DPP10: variants seen among roughly 807,000 people sequenced by gnomAD.
DPP10 encodes the protein dipeptidyl peptidase like 10.
In DPP10, 33 loss-of-function variants were observed where a neutral mutation model predicts 120.9. That is an observed-to-expected ratio of 0.27 (90% confidence interval 0.21 to 0.37). The LOEUF (loss-of-function observed/expected upper bound fraction) is 0.37, where lower values mean the gene tolerates loss of function less well. DPP10 is among the 10% of genes least tolerant of loss of function. The pLI, the probability that DPP10 is intolerant of heterozygous loss-of-function variation, is 1.00. For synonymous variants in DPP10, 337 were observed against 326.1 expected (o/e 1.03, Z -0.36); for missense variants, 816 against 942.8 (o/e 0.87, Z 1.76).
intron 1 of DPP10, among the ~76,000 whole-genome samples, chr2:114,984,579 G>A (rs1311087171): frequency 2.6e-5 from 4 of 152,026 alleles, no homozygotes; most frequent in Non-Finnish European, 5.9e-5. Flanking sequence ...ATGGCTTTAG[G>A]CTAGGAGTTC....
intron 1 of DPP10, among the ~76,000 whole-genome samples, chr2:114,478,663 T>A (rs1218399199): frequency 6.6e-6 from 1 of 152,102 alleles, no homozygotes; most frequent in Non-Finnish European, 1.5e-5. Flanking sequence ...ACAAATTTCA[T>A]AATTACATAG....
At chr2:115,031,161 TC>T (rs5833572) in intron 1 of DPP10, among the ~76,000 whole-genome samples, 63,503 of 151,772 alleles carry the variant, frequency 0.42, 13,693 homozygotes, top group South Asian at 0.5. Context: ...TAATTTTTTT[TC>T]CTCAGGAAAA....
In DPP10 at chr2:115,494,701, C is replaced by T. The variant is rs960620744; in HGVS notation, c.272-4809C>T. 4.6e-5 allele frequency among the ~76,000 whole-genome samples: 7 copies of T among 151,948 alleles called. 1 individual carries two copies. In the East Asian group the frequency reaches 1.4e-3, roughly 29 times the overall value. On this transcript the variant is annotated intron_variant, in intron 3 of 25. Coordinates refer to ENST00000410059, the MANE Select transcript of DPP10 (RefSeq NM_020868.6). ...TTTTTCCACATTTTATTTTTAATTG[C>T]TCAGCTTTTTTTATTGAGTATAGTT...
chr2:115,624,089 T>C (rs552259023), intron 5 of DPP10, among the ~76,000 whole-genome samples: 71 of 152,284 alleles, frequency 4.7e-4, no homozygotes, highest in African/African-American at 1.7e-3. Flanking sequence ...TTGTCCTTTA[T>C]TGGATTCCTG....
chr2:115,824,111 C>A (rs1199648090), intron 21 of DPP10, among the ~76,000 whole-genome samples: 1 of 152,048 alleles, frequency 6.6e-6, no homozygotes, highest in Non-Finnish European at 1.5e-5. Flanking sequence ...AAAAACTAAA[C>A]TTACACTCTG....
At position 114,848,597 on chromosome 2, in the gene DPP10, T is replaced by C. The variant is rs535072169; in HGVS notation, c.60+405759T>C. ...ATTCAACGACATTGAATCACATAGA[T>C]ACGACTAGGACTTTCATTGAAGAAA... On this transcript the variant is annotated intron_variant, in intron 1 of 25. Coordinates refer to ENST00000410059, the MANE Select transcript of DPP10 (RefSeq NM_020868.6). 2.6e-5 allele frequency among the ~76,000 whole-genome samples: 4 copies of C among 152,324 alleles called. No individual in the cohort carries two copies. The East Asian group carries it at 7.7e-4, about 29-fold the overall frequency.
At chr2:114,786,837 A>G (rs994041983) in intron 1 of DPP10, among the ~76,000 whole-genome samples, 2 of 152,192 alleles carry the variant, frequency 1.3e-5, no homozygotes, top group Non-Finnish European at 1.5e-5. Context: ...GCCTCTGGAA[A>G]ATTGGGAATC....
At chr2:115,338,585 C>T (rs1319513642) in intron 2 of DPP10, among the ~76,000 whole-genome samples, 1 of 152,058 alleles carries the variant, frequency 6.6e-6, no homozygotes, top group Non-Finnish European at 1.5e-5. Flanking sequence ...CTCAGCCTCC[C>T]AAGCAGCTGG....
chr2:115,001,715 G>A (rs1057234423), intron 1 of DPP10, among the ~76,000 whole-genome samples: 2 of 152,006 alleles, frequency 1.3e-5, no homozygotes, highest in African/African-American at 2.4e-5. Context: ...ACAAAAGTCA[G>A]GTGCAATTCC....
At chr2:114,600,647 T>A (rs2105223575) in intron 1 of DPP10, among the ~76,000 whole-genome samples, 1 of 152,034 alleles carries the variant, frequency 6.6e-6, no homozygotes, top group African/African-American at 2.4e-5. Context: ...AATTTTGATA[T>A]GCCTTGGCAT....
chr2:114,646,061 G>A (rs1025821373), intron 1 of DPP10, among the ~76,000 whole-genome samples: 10 of 151,986 alleles, frequency 6.6e-5, no homozygotes, highest in African/African-American at 1.9e-4. Context: ...TCAGGAGGCC[G>A]AGGCAGGAGA....
At chr2:115,781,017 G>T in intron 16 of DPP10, 22 bp downstream of exon 16, 1 of 1,533,170 alleles carries the variant, frequency 6.5e-7, no homozygotes, top group Middle Eastern at 2.0e-4. Flanking sequence ...CATGAATTCT[G>T]ATATAATATA....
chr2:114,997,500 GA>G (rs1042085097), intron 1 of DPP10, among the ~76,000 whole-genome samples: 4 of 22,898 alleles, frequency 1.7e-4, no homozygotes, highest in African/African-American at 4.6e-4. Flanking sequence ...CAAAAAAAAA[GA>G]AAAAAAAAAA....
chr2:114,473,201 C>A (rs1333567919), intron 1 of DPP10, among the ~76,000 whole-genome samples: 2 of 152,000 alleles, frequency 1.3e-5, no homozygotes, highest in Non-Finnish European at 2.9e-5. Context: ...TGGCAGTGAA[C>A]AATAGAAGGC....
chr2:114,774,532 C>G (rs1159036900), intron 1 of DPP10, among the ~76,000 whole-genome samples: 1 of 150,792 alleles, frequency 6.6e-6, no homozygotes, highest in Non-Finnish European at 1.5e-5. Flanking sequence ...TTAACACTAT[C>G]TTAAAATCAG....
chr2:114,918,878 T>A (rs1694994544), intron 1 of DPP10, among the ~76,000 whole-genome samples: 1 of 151,906 alleles, frequency 6.6e-6, no homozygotes, highest in South Asian at 2.1e-4. Flanking sequence ...AAATCATTTG[T>A]ACACCAAACC....
chr2:115,104,504 T>C (rs1276913828), intron 1 of DPP10, among the ~76,000 whole-genome samples: 1 of 152,192 alleles, frequency 6.6e-6, no homozygotes, highest in Non-Finnish European at 1.5e-5. Context: ...TAGCAATCTG[T>C]CTACAGCCTC....
intron 1 of DPP10, among the ~76,000 whole-genome samples, chr2:114,495,280 C>T (rs1047994270): frequency 2.0e-5 from 3 of 152,138 alleles, no homozygotes; most frequent in African/African-American, 7.2e-5. Flanking sequence ...CTTCAAAGTC[C>T]ATTAATTCAG....
At chr2:115,384,556 G>T (rs1015541858) in intron 3 of DPP10, among the ~76,000 whole-genome samples, 2 of 66,738 alleles carry the variant, frequency 3.0e-5, no homozygotes, top group Non-Finnish European at 7.0e-5. Flanking sequence ...GGAAGAAGAA[G>T]AGGAAGAAGA....
Sources: gnomAD v4.1 joint callset for allele counts (sites outside exome capture counted in the v4.1 genomes callset) on GRCh38, gnomAD v4.1.1 for gene constraint, MANE v1.5 for transcripts, NCBI Gene and HGNC (gene_info 2026-07-23, HGNC 2026-07-21) for gene names.